SLC22A3: variants seen among roughly 807,000 people sequenced by gnomAD.
The protein encoded by SLC22A3 is EMT organic cation transporter 3.
Under a neutral mutation model 59.1 loss-of-function variants are expected in SLC22A3, and 51 were observed. The observed-to-expected ratio is 0.86, with a 90% CI of 0.69 to 1.09. The LOEUF (loss-of-function observed/expected upper bound fraction) is 1.09. Ranked by LOEUF, SLC22A3 falls within the 50% of genes least tolerant of loss-of-function variation. SLC22A3 has a pLI of 0.00. For synonymous variants in SLC22A3, 325 were observed against 292.0 expected, an observed-to-expected ratio of 1.11 and a Z score of -1.15; for missense variants, 711 against 726.3, an observed-to-expected ratio of 0.98 and a Z score of 0.24.
At chr6:160,433,989 A>T (rs1397168) in intron 5 of SLC22A3, among the ~76,000 whole-genome samples, 34,280 of 152,098 alleles carry the variant, frequency 0.23, 4,247 homozygotes, top group African/African-American at 0.31. Flanking sequence ...CTGAATGGAC[A>T]GTGGTATTGA....
intron 5 of SLC22A3, among the ~76,000 whole-genome samples, chr6:160,418,833 C>G (rs532163057): frequency 2.0e-5 from 3 of 152,110 alleles, no homozygotes; most frequent in Admixed American, 2.0e-4. Flanking sequence ...CTGAATATGC[C>G]CATATTTGTT....
chr6:160,446,457 T>C (rs1431768511), intron 9 of SLC22A3, among the ~76,000 whole-genome samples: 1 of 152,134 alleles, frequency 6.6e-6, no homozygotes, highest in South Asian at 2.1e-4. Flanking sequence ...CTTACAATCA[T>C]GGTGGAAGGG....
chr6:160,380,317 T>G (rs1459935255), intron 1 of SLC22A3, among the ~76,000 whole-genome samples: 1 of 152,160 alleles, frequency 6.6e-6, no homozygotes, highest in Non-Finnish European at 1.5e-5. Context: ...TCTTATAGGT[T>G]TAGTATCCCT....
chr6:160,362,813 T>G (rs1785063399), intron 1 of SLC22A3, among the ~76,000 whole-genome samples: 1 of 152,126 alleles, frequency 6.6e-6, no homozygotes. Flanking sequence ...CCGGGAGCAG[T>G]GCTGCAGGAG....
chr6:160,437,243 A>G (rs750332939), intron 7 of SLC22A3, 32 bp downstream of exon 7: 1 of 1,608,956 alleles, frequency 6.2e-7, no homozygotes, highest in Admixed American at 1.7e-5. Context: ...TTGGCAGCCA[A>G]AGGACTTGAA....
chr6:160,348,751 C>G lies in SLC22A3; in HGVS notation c.332C>G (p.Ala111Gly), dbSNP rs1230121434. Residue 111 changes from alanine (A) to glycine (G), a missense_variant, in exon 1 of 11, where the codon GCG becomes GGG. Transcript: ENST00000275300. Reference protein sequence around the residue: ...SASATSALSCADPLAAFPNRS... With the variant: ...SASATSALSCGDPLAAFPNRS... Reference sequence around the variant, plus strand: ...TCCGCCACTAGCGCTCTCAGCTGCGCGGACCCACTCGCCGCCTTCCCCAAC... The same window carrying G: ...TCCGCCACTAGCGCTCTCAGCTGCGGGGACCCACTCGCCGCCTTCCCCAAC... 1 of 1,539,292 alleles carries G rather than the reference C, an allele frequency of 6.5e-7. No homozygotes were observed. Among genetic ancestry groups the G allele is most frequent in the Non-Finnish European group, 8.7e-7 (1 of 1,148,716 alleles).
rs369258508 is a variant in SLC22A3, at chr6:160,401,075, A to G, written c.533+2993A>G. On this transcript the variant is annotated intron_variant, in intron 2 of 10. Transcript: ENST00000275300. ...GTTCAATAACTGTGGGACAATTACA[A>G]AAGATATAATATATGTGTAATAGGA... Among the ~76,000 whole-genome samples, 4 of 151,796 alleles carry G rather than the reference A, an allele frequency of 2.6e-5. No homozygotes were observed. The South Asian group carries it at 8.3e-4, about 31-fold the overall frequency.
chr6:160,430,229 A>T (rs978031351), intron 5 of SLC22A3, among the ~76,000 whole-genome samples: 1 of 151,710 alleles, frequency 6.6e-6, no homozygotes, highest in East Asian at 1.9e-4. Flanking sequence ...TATTAAAATA[A>T]TATATTTGAA....
intron 1 of SLC22A3, among the ~76,000 whole-genome samples, chr6:160,359,005 TATGA>T (rs1487393270): frequency 3.9e-5 from 6 of 152,152 alleles, no homozygotes; most frequent in Admixed American, 3.9e-4. Flanking sequence ...CTTCAATAAA[TATGA>T]ACAACAAAAG....
intron 1 of SLC22A3, among the ~76,000 whole-genome samples, chr6:160,374,543 TCACTAAGGTTGTAGAAAATA>T (rs1251822784): frequency 2.0e-5 from 3 of 152,228 alleles, no homozygotes; most frequent in African/African-American, 7.2e-5. Context: ...TGCTCATGCC[TCACTAAGGTTGTAGAAAATA>T]CAGGATCTTG....
chr6:160,361,745 T>TGTCCTG (rs1785019800), intron 1 of SLC22A3, among the ~76,000 whole-genome samples: 1 of 152,188 alleles, frequency 6.6e-6, no homozygotes, highest in Admixed American at 6.5e-5. Flanking sequence ...CAACAAGTAA[T>TGTCCTG]TAACTGACAT....
At chr6:160,351,405 G>C (rs1424172101) in intron 1 of SLC22A3, among the ~76,000 whole-genome samples, 1 of 152,210 alleles carries the variant, frequency 6.6e-6, no homozygotes, top group Non-Finnish European at 1.5e-5. Flanking sequence ...GTGAGCCACC[G>C]CGCCCAGCCT....
intron 1 of SLC22A3, among the ~76,000 whole-genome samples, chr6:160,351,994 C>T (rs1175740829): frequency 1.3e-5 from 2 of 152,196 alleles, no homozygotes; most frequent in Admixed American, 1.3e-4. Flanking sequence ...GCAGAAACCT[C>T]GTTGAAACTT....
At chr6:160,349,144 C>A in intron 1 of SLC22A3, 1 of 882,086 alleles carries the variant, frequency 1.1e-6, no homozygotes, top group Non-Finnish European at 1.4e-6. Context: ...CGCACGCCTG[C>A]TCAGGAGTCA....
At chr6:160,392,394 G>A (rs954687811) in intron 1 of SLC22A3, among the ~76,000 whole-genome samples, 12 of 152,072 alleles carry the variant, frequency 7.9e-5, no homozygotes, top group African/African-American at 2.4e-4. Flanking sequence ...ACATTTAGTC[G>A]ATTCCATTCT....
At chr6:160,358,675 A>T (rs1445113399) in intron 1 of SLC22A3, among the ~76,000 whole-genome samples, 1 of 152,230 alleles carries the variant, frequency 6.6e-6, no homozygotes, top group Non-Finnish European at 1.5e-5. Context: ...AATGAGAAAC[A>T]TGCAGGAACC....
At chr6:160,355,797 C>A (rs182529154) in intron 1 of SLC22A3, among the ~76,000 whole-genome samples, 2,271 of 150,548 alleles carry the variant, frequency 0.015, 52 homozygotes, top group Middle Eastern at 0.058. Context: ...ACAACAACAA[C>A]AAAAAACTTG....
rs150152039 is a variant in SLC22A3 at position 160,429,959 on chromosome 6, G to A, written c.976-6821G>A. On this transcript the variant is annotated intron_variant, in intron 5 of 10. Coordinates refer to ENST00000275300, the MANE Select transcript of SLC22A3 (RefSeq NM_021977.4). ...TAATTACTAAAGGAAAAAGTGCTGG[G>A]TGAATTATCACCTGAAAATAAAGTA... 7.1e-3 allele frequency among the ~76,000 whole-genome samples: 1,075 copies of A among 151,976 alleles called. 19 individuals are homozygous for A. Among genetic ancestry groups the A allele is most frequent in the African/African-American group, 0.025 (1,037 of 41,464 alleles).
chr6:160,366,451 C>T (rs143717106), intron 1 of SLC22A3, among the ~76,000 whole-genome samples: 2 of 152,340 alleles, frequency 1.3e-5, no homozygotes, highest in Non-Finnish European at 2.9e-5. Flanking sequence ...ACAGCCCCGT[C>T]CCAGCTGCCT....
Sources: allele counts gnomAD v4.1 joint callset (sites outside exome capture counted in the v4.1 genomes callset), GRCh38; gene constraint gnomAD v4.1.1; transcripts MANE v1.5; gene names NCBI Gene and HGNC (gene_info 2026-07-23, HGNC 2026-07-21).